CPPED1: variants seen among roughly 807,000 people sequenced by gnomAD.
CPPED1 encodes the protein calcineurin like phosphoesterase domain containing 1, also known as serine/threonine-protein phosphatase CPPED1.
Under a neutral mutation model 28.0 loss-of-function variants are expected in CPPED1, and 28 were observed. The observed-to-expected ratio is 1.00, with a 90% CI of 0.74 to 1.37. The LOEUF is 1.37. Ranked by LOEUF, CPPED1 falls within the 40% of genes most tolerant of loss-of-function variation. The probability of loss-of-function intolerance (pLI) is 0.00; values close to 1 mark genes in which losing one functional copy is unlikely to be tolerated. For synonymous variants in CPPED1, 198 were observed against 180.2 expected, an observed-to-expected ratio of 1.10 and a Z score of -0.79; for missense variants, 504 against 416.5, an observed-to-expected ratio of 1.21 and a Z score of -1.83.
chr16:12,685,367 T>C (rs146909665), intron 3 of CPPED1, among the ~76,000 whole-genome samples: 2,223 of 152,240 alleles, frequency 0.015, 49 homozygotes, highest in African/African-American at 0.05. Context: ...AGAGAATTGC[T>C]TGAACCCAGG....
chr16:12,713,572 G>A (rs1412911096), intron 2 of CPPED1, among the ~76,000 whole-genome samples: 1 of 152,020 alleles, frequency 6.6e-6, no homozygotes, highest in Non-Finnish European at 1.5e-5. Context: ...CATCATACTG[G>A]CCAGTCTTGA....
chr16:12,734,630 C>T (rs1193235962), intron 2 of CPPED1, among the ~76,000 whole-genome samples: 4 of 152,142 alleles, frequency 2.6e-5, no homozygotes, highest in African/African-American at 4.8e-5. Context: ...CCGCCCACGT[C>T]GGCCTCCCAA....
chr16:12,755,519 GC>G (rs1299846363), intron 2 of CPPED1, among the ~76,000 whole-genome samples: 6 of 151,994 alleles, frequency 3.9e-5, no homozygotes, highest in African/African-American at 1.4e-4. Context: ...CTGGCCTCAA[GC>G]AATCCTCCCA....
intron 3 of CPPED1, among the ~76,000 whole-genome samples, chr16:12,685,988 G>A (rs1156731952): frequency 1.3e-5 from 2 of 152,180 alleles, no homozygotes; most frequent in Non-Finnish European, 1.5e-5. Flanking sequence ...GAAGCACAGC[G>A]GGTGTGCAGA....
chr16:12,775,366 T>G (rs1221181253), intron 2 of CPPED1, among the ~76,000 whole-genome samples: 1 of 152,244 alleles, frequency 6.6e-6, no homozygotes, highest in Non-Finnish European at 1.5e-5. Context: ...AGACACACAT[T>G]TTCACCATGT....
intron 1 of CPPED1, among the ~76,000 whole-genome samples, chr16:12,797,463 G>C (rs778843426): frequency 1.3e-5 from 2 of 151,728 alleles, no homozygotes; most frequent in Non-Finnish European, 2.9e-5. Flanking sequence ...TGGGAGGATC[G>C]AGCATGGCTT....
intron 2 of CPPED1, among the ~76,000 whole-genome samples, chr16:12,758,504 A>G (rs139520026): frequency 6.6e-6 from 1 of 152,318 alleles, no homozygotes; most frequent in East Asian, 1.9e-4. Flanking sequence ...GCCATCACTC[A>G]TAGCCATGAC....
At position 12,705,052 on chromosome 16, in the gene CPPED1, G is replaced by C. The variant is rs369326763; in HGVS notation, c.290-3C>G. 4 of 1,603,026 alleles carry C rather than the reference G, an allele frequency of 2.5e-6. No individual in the cohort carries two copies. Among genetic ancestry groups the C allele is most frequent in the Non-Finnish European group, 3.4e-6 (4 of 1,172,392 alleles). ...CTGCTCCGTCCGCCACGGCTTCCCT[G>C]GAAGAGTGAGGGTCACGTCCTGAGA... is the stretch of plus-strand genomic sequence containing the variant. On this transcript the variant is annotated splice_polypyrimidine_tract_variant and splice_region_variant and intron_variant, in intron 2 of 3. Coordinates refer to ENST00000381774, the MANE Select transcript of CPPED1 (RefSeq NM_018340.3).
intron 1 of CPPED1, among the ~76,000 whole-genome samples, chr16:12,788,802 G>A (rs1351030622): frequency 1.3e-5 from 2 of 152,146 alleles, no homozygotes; most frequent in Non-Finnish European, 2.9e-5. Flanking sequence ...CAAATGGAAC[G>A]TCTTGATAAA....
At chr16:12,703,889 T>C (rs1263279660) in intron 3 of CPPED1, among the ~76,000 whole-genome samples, 1 of 152,074 alleles carries the variant, frequency 6.6e-6, no homozygotes, top group Non-Finnish European at 1.5e-5. Context: ...TAGAGTGCCA[T>C]CAGAAATTGA....
intron 2 of CPPED1, among the ~76,000 whole-genome samples, chr16:12,724,590 G>A (rs911060358): frequency 6.6e-6 from 1 of 152,068 alleles, no homozygotes; most frequent in Non-Finnish European, 1.5e-5. Context: ...CCCTTCCCTG[G>A]TGCTGTAGAT....
At chr16:12,671,074 C>G (rs2079850615) in intron 3 of CPPED1, among the ~76,000 whole-genome samples, 1 of 152,092 alleles carries the variant, frequency 6.6e-6, no homozygotes, top group South Asian at 2.1e-4. Context: ...TGGTCTCAAA[C>G]TCTTGACCTC....
intron 2 of CPPED1, among the ~76,000 whole-genome samples, chr16:12,750,358 C>T (rs1220219328): frequency 6.6e-6 from 1 of 152,184 alleles, no homozygotes; most frequent in African/African-American, 2.4e-5. Context: ...GGATGTATGA[C>T]TCTTCCTTTC....
chr16:12,675,767 T>C (rs1024237830), intron 3 of CPPED1, among the ~76,000 whole-genome samples: 2 of 152,322 alleles, frequency 1.3e-5, no homozygotes, highest in Middle Eastern at 3.4e-3. Flanking sequence ...GAAAACTGCA[T>C]TGCAAACCAT....
chr16:12,763,024 T>C (rs1350784116), intron 2 of CPPED1, among the ~76,000 whole-genome samples: 1 of 151,110 alleles, frequency 6.6e-6, no homozygotes, highest in Non-Finnish European at 1.5e-5. Flanking sequence ...AAGTTGGGAG[T>C]TCAAGACCAG....
intron 1 of CPPED1, among the ~76,000 whole-genome samples, chr16:12,793,892 GC>G (rs947711977): frequency 6.6e-6 from 1 of 152,164 alleles, no homozygotes; most frequent in African/African-American, 2.4e-5. Flanking sequence ...CTTCACAGCC[GC>G]CTGCAGGCTT....
intron 1 of CPPED1, among the ~76,000 whole-genome samples, 174 bp from the exon 2 acceptor site, chr16:12,781,577 A>G (rs1385929483): frequency 1.3e-5 from 2 of 152,118 alleles, no homozygotes; most frequent in Non-Finnish European, 2.9e-5. Context: ...ATTTTGATTT[A>G]TACTAATTAT....
rs1470622563 is a variant in CPPED1, at chr16:12,704,076, A to G, written c.715+548T>C. The stretch of plus-strand genomic sequence containing the variant: ...GCCCCAGGAACTGTCCGCTAAAGCC[A>G]CATCCCAGGATTTCCTGAGTCACAG... On this transcript the variant is annotated intron_variant, in intron 3 of 3. Transcript: ENST00000381774. Among the ~76,000 whole-genome samples, 3 of 152,232 alleles carry G rather than the reference A, an allele frequency of 2.0e-5. No individual in the cohort carries two copies. The East Asian group carries it at 5.8e-4, about 29-fold the overall frequency.
intron 2 of CPPED1, among the ~76,000 whole-genome samples, chr16:12,750,296 A>G (rs911747454): frequency 6.6e-6 from 1 of 152,214 alleles, no homozygotes; most frequent in African/African-American, 2.4e-5. Context: ...TCAGTTTCTG[A>G]CATACCTTTC....
Sources: gnomAD v4.1 joint callset for allele counts (sites outside exome capture counted in the v4.1 genomes callset) on GRCh38, gnomAD v4.1.1 for gene constraint, MANE v1.5 for transcripts, NCBI Gene and HGNC (gene_info 2026-07-23, HGNC 2026-07-21) for gene names.